Variants in CYB5R4 observed in about 807,000 individuals in gnomAD.
CYB5R4 encodes cytochrome b5 reductase 4.
A neutral mutation model predicts 70.2 loss-of-function variants in CYB5R4; 55 were observed. That is an observed-to-expected ratio of 0.78 (90% CI 0.63 to 0.98). The LOEUF is 0.98. Ranked by LOEUF, CYB5R4 falls within the 50% of genes least tolerant of loss-of-function variation. The pLI is 0.00. For synonymous variants in CYB5R4, 197 were observed against 199.5 expected (o/e 0.99, Z 0.11); for missense variants, 562 against 612.6 (o/e 0.92, Z 0.87).
intron 10 of CYB5R4, among the ~76,000 whole-genome samples, chr6:83,930,283 C>T (rs944148372): frequency 2.0e-5 from 3 of 152,092 alleles, no homozygotes; most frequent in South Asian, 2.1e-4. Flanking sequence ...TTGACCCTTT[C>T]TTTCACAAAA....
chr6:83,893,461 A>G (rs1463871303), intron 2 of CYB5R4, 61 bp from the exon 3 acceptor site: 4 of 951,840 alleles, frequency 4.2e-6, no homozygotes, highest in South Asian at 2.9e-5. Context: ...ACTTATATTT[A>G]TAAGTTTTAC....
At chr6:83,865,423 G>A (rs570723592) in intron 2 of CYB5R4, among the ~76,000 whole-genome samples, 8 of 152,234 alleles carry the variant, frequency 5.3e-5, no homozygotes, top group South Asian at 2.1e-4. Flanking sequence ...AGCAGGGTTC[G>A]TTCCTTCTGA....
At chr6:83,860,090 A>G (rs2099455695) in intron 1 of CYB5R4, among the ~76,000 whole-genome samples, 1 of 151,074 alleles carries the variant, frequency 6.6e-6, no homozygotes, top group South Asian at 2.1e-4. Flanking sequence ...ATCCCGCTCT[A>G]TCCGTTCCCT....
rs1248855318 is a variant in CYB5R4 at position 83,963,308 on chromosome 6, C to T, written c.*3430C>T. ...ACAGAACATGAGAGGAGCTTTGACA[C>T]CCACCCCAAAAGAGTCAACTTCATT... On this transcript the variant is annotated 3_prime_UTR_variant, in exon 16 of 16. Transcript: ENST00000369681. The T allele has an allele frequency of 6.6e-6, 1 of 152,142 alleles. No individual in the cohort carries two copies. The highest frequency in any genetic ancestry group is 2.4e-5 in the African/African-American group (1 of 41,430). 9.4% of individuals were successfully genotyped at this position (152,142 alleles called of 1,614,324 possible).
chr6:83,960,100 G>T lies in CYB5R4; in HGVS notation c.*222G>T. On this transcript the variant is annotated 3_prime_UTR_variant, in exon 16 of 16. Coordinates refer to ENST00000369681, the MANE Select transcript of CYB5R4 (RefSeq NM_016230.4). ...ATATTTGACCTGGAAAGTTAATCAT[G>T]GCAACAAATACATACAGGATTCTTT... 1 of 378,348 alleles carries T rather than the reference G, an allele frequency of 2.6e-6. No homozygotes were observed. The highest frequency in any genetic ancestry group is 5.0e-5 in the South Asian group (1 of 20,060). The allele number at this position is 378,348 out of a possible 1,614,324, so 23.4% of individuals were successfully genotyped here. A position where few individuals can be genotyped will look rare whatever the true frequency, so the allele number is the denominator to read the frequency against.
At chr6:83,940,359 A>G (rs2099469554) in intron 13 of CYB5R4, among the ~76,000 whole-genome samples, 153 bp downstream of exon 13, 1 of 151,970 alleles carries the variant, frequency 6.6e-6, no homozygotes, top group Non-Finnish European at 1.5e-5. Flanking sequence ...TAGCTATTTT[A>G]TTAACTAGGT....
intron 4 of CYB5R4, chr6:83,910,003 G>A: frequency 1.9e-6 from 3 of 1,603,232 alleles, no homozygotes; most frequent in African/African-American, 2.7e-5. Context: ...AAAAATGATG[G>A]TATTAGTGGC....
chr6:83,878,588 C>T (rs955645448), intron 2 of CYB5R4, among the ~76,000 whole-genome samples: 8 of 152,134 alleles, frequency 5.3e-5, no homozygotes, highest in African/African-American at 1.9e-4. Context: ...CCTTGTGATC[C>T]ACCTGCCTCG....
intron 14 of CYB5R4, among the ~76,000 whole-genome samples, chr6:83,942,424 A>G (rs1204669563): frequency 1.3e-5 from 2 of 152,192 alleles, no homozygotes; most frequent in Non-Finnish European, 2.9e-5. Context: ...TGACTGTGCT[A>G]TCCAGCCCAG....
At chr6:83,867,963 C>A (rs2099456996) in intron 2 of CYB5R4, among the ~76,000 whole-genome samples, 1 of 152,194 alleles carries the variant, frequency 6.6e-6, no homozygotes, top group African/African-American at 2.4e-5. Context: ...CACTTGCCCA[C>A]CCACTCCCCT....
intron 10 of CYB5R4, among the ~76,000 whole-genome samples, chr6:83,933,755 GA>G (rs1295469057): frequency 6.6e-6 from 1 of 152,052 alleles, no homozygotes; most frequent in East Asian, 1.9e-4. Context: ...AATATTTTCT[GA>G]GCTTGGGATA....
At chr6:83,933,946 C>T (rs1364025047) in intron 10 of CYB5R4, among the ~76,000 whole-genome samples, 1 of 152,106 alleles carries the variant, frequency 6.6e-6, no homozygotes, top group African/African-American at 2.4e-5. Flanking sequence ...TTAAAATGTT[C>T]TCTAATCATG....
At chr6:83,875,868 G>A (rs953480418) in intron 2 of CYB5R4, among the ~76,000 whole-genome samples, 2 of 152,188 alleles carry the variant, frequency 1.3e-5, no homozygotes, top group African/African-American at 4.8e-5. Flanking sequence ...GGTCTGTTTA[G>A]TGGATACTAT....
chr6:83,885,678 C>G (rs1588563886), intron 2 of CYB5R4, among the ~76,000 whole-genome samples: 4 of 152,046 alleles, frequency 2.6e-5, no homozygotes, highest in Admixed American at 1.3e-4. Context: ...TAATCCAGTT[C>G]TGAATTCGGT....
rs564002174 is a variant in CYB5R4 at position 83,888,972 on chromosome 6, C to A, written c.230-4550C>A. Among the ~76,000 whole-genome samples the A allele has an allele frequency of 1.5e-3, 231 of 152,282 alleles. 1 individual carries two copies. Among genetic ancestry groups the A allele is most frequent in the African/African-American group, 5.3e-3 (222 of 41,562 alleles). On this transcript the variant is annotated intron_variant, in intron 2 of 15. Coordinates refer to ENST00000369681, the MANE Select transcript of CYB5R4 (RefSeq NM_016230.4). The stretch of plus-strand genomic sequence containing the variant: ...GCTTTAGTGGTGTGGATAGATTAAA[C>A]CAGCCACAACATTCTCTTAAGCCAA...
chr6:83,914,355 T>C, intron 4 of CYB5R4, 61 bp from the exon 5 acceptor site: 9 of 1,468,468 alleles, frequency 6.1e-6, no homozygotes, highest in East Asian at 4.9e-5. Flanking sequence ...TAATGTGGAC[T>C]GACATTCTCA....
rs1317194814 is a variant in CYB5R4 at position 83,963,163 on chromosome 6, G to A, written c.*3285G>A. The stretch of plus-strand genomic sequence containing the variant: ...GCATTTGGGTGTTGACATCTTTGAT[G>A]GGCACATTGTGTCTACCACAGGCTA... On this transcript the variant is annotated 3_prime_UTR_variant, in exon 16 of 16. Coordinates refer to ENST00000369681, the MANE Select transcript of CYB5R4 (RefSeq NM_016230.4). 1 of 152,148 alleles carries A rather than the reference G, an allele frequency of 6.6e-6. No individual in the cohort carries two copies. The highest frequency in any genetic ancestry group is 1.5e-5 in the Non-Finnish European group (1 of 68,024). The allele number at this position is 152,148 out of a possible 1,614,324, so 9.4% of individuals were successfully genotyped here.
chr6:83,881,345 T>C (rs1284272579), intron 2 of CYB5R4, among the ~76,000 whole-genome samples: 2 of 152,116 alleles, frequency 1.3e-5, no homozygotes, highest in Admixed American at 6.5e-5. Context: ...TGGCTAATTT[T>C]TAAATTTTTT....
intron 3 of CYB5R4, among the ~76,000 whole-genome samples, chr6:83,903,681 T>C (rs1366972119): frequency 6.6e-6 from 1 of 152,092 alleles, no homozygotes; most frequent in Non-Finnish European, 1.5e-5. Flanking sequence ...GTTGCTGTTG[T>C]TGTTCTTGGG....
Sources: gnomAD v4.1 joint callset for allele counts (sites outside exome capture counted in the v4.1 genomes callset) on GRCh38, gnomAD v4.1.1 for gene constraint, MANE v1.5 for transcripts, NCBI Gene and HGNC (gene_info 2026-07-23, HGNC 2026-07-21) for gene names.